The following CLVS1 variants were observed in gnomAD, a reference collection of about 807,000 sequenced individuals.
CLVS1 encodes the protein clavesin 1.
A neutral mutation model predicts 33.1 loss-of-function variants in CLVS1; 10 were observed. The ratio of observed to expected loss-of-function variants is 0.30; its 90% CI spans 0.19 to 0.51. The LOEUF is 0.51. Ranked by LOEUF, CLVS1 falls within the 20% of genes least tolerant of loss-of-function variation. The pLI is 0.97. For synonymous variants in CLVS1, 163 were observed against 166.1 expected, an observed-to-expected ratio of 0.98 and a Z score of 0.14; for missense variants, 343 against 433.4, an observed-to-expected ratio of 0.79 and a Z score of 1.85.
intron 2 of CLVS1, among the ~76,000 whole-genome samples, chr8:61,224,651 G>A (rs1030828516): frequency 3.3e-5 from 5 of 152,178 alleles, no homozygotes; most frequent in Non-Finnish European, 7.3e-5. Flanking sequence ...ACCCCGTTGG[G>A]TGGCATAGGG....
At chr8:61,429,569 G>A (rs1285875892) in intron 3 of CLVS1, among the ~76,000 whole-genome samples, 1 of 151,810 alleles carries the variant, frequency 6.6e-6, no homozygotes, top group African/African-American at 2.4e-5. Context: ...ACCTCTTAAA[G>A]TTCCCACCTC....
intron 2 of CLVS1, among the ~76,000 whole-genome samples, chr8:61,367,426 CTA>C (rs1585868789): frequency 6.6e-6 from 1 of 152,204 alleles, no homozygotes; most frequent in East Asian, 1.9e-4. Context: ...CCTTTCCCTT[CTA>C]TGTCTAGTGT....
In CLVS1 at chr8:61,355,816, T is replaced by A. The variant is rs1224023082; in HGVS notation, c.456-20789T>A. On this transcript the variant is annotated intron_variant, in intron 2 of 5. Coordinates refer to ENST00000325897, the MANE Select transcript of CLVS1 (RefSeq NM_173519.3). ...ATTTTCTTAATCCAGTCTATCATTG[T>A]TGGACATTTGGGTTGGTTCCAAGTT... Among the ~76,000 whole-genome samples the A allele has an allele frequency of 6.6e-5, 10 of 152,320 alleles. No individual in the cohort carries two copies. The South Asian group carries it at 2.1e-3, about 32-fold the overall frequency.
At chr8:61,418,187 G>A (rs1815517492) in intron 3 of CLVS1, among the ~76,000 whole-genome samples, 1 of 152,096 alleles carries the variant, frequency 6.6e-6, no homozygotes, top group South Asian at 2.1e-4. Flanking sequence ...AACCTCATAG[G>A]ATTATTAATT....
At chr8:61,065,907 G>A (rs903981021) in intron 1 of CLVS1, among the ~76,000 whole-genome samples, 3 of 152,244 alleles carry the variant, frequency 2.0e-5, no homozygotes, top group Middle Eastern at 3.4e-3. Context: ...GAAATACCAG[G>A]CAGTAGATCA....
In CLVS1 at chr8:61,460,945, C is replaced by T. The variant is rs1246364513; in HGVS notation, c.977+2403C>T. On this transcript the variant is annotated intron_variant, in intron 5 of 5. Coordinates refer to ENST00000325897, the MANE Select transcript of CLVS1 (RefSeq NM_173519.3). ...CTTGATCCCACATGTTTAAAATTTC[C>T]ATCGAAAGTTCTGCTCTTGTCTGTT... 2.0e-5 allele frequency among the ~76,000 whole-genome samples: 3 copies of T among 152,196 alleles called. No homozygotes were observed. In the East Asian group the frequency reaches 5.8e-4, roughly 29 times the overall value.
chr8:61,096,239 T>C (rs1805348245), intron 1 of CLVS1, among the ~76,000 whole-genome samples: 2 of 152,242 alleles, frequency 1.3e-5, no homozygotes, highest in African/African-American at 4.8e-5. Flanking sequence ...CCAGCCGCCA[T>C]TGACTTGTGG....
chr8:61,453,985 T>C (rs2279572), intron 3 of CLVS1, among the ~76,000 whole-genome samples, 156 bp from the exon 4 acceptor site: 121,932 of 152,096 alleles, frequency 0.8, 49,217 homozygotes, highest in Non-Finnish European at 0.86. Context: ...TCCTTAACAA[T>C]TAGGAAGTGA....
rs563571580 is a variant in CLVS1 at position 61,342,937 on chromosome 8, G to T, written c.456-33668G>T. 2.0e-5 allele frequency among the ~76,000 whole-genome samples: 3 copies of T among 152,344 alleles called. No individual in the cohort carries two copies. In the South Asian group the frequency reaches 6.2e-4, roughly 32 times the overall value. The stretch of plus-strand genomic sequence containing the variant: ...TGATCAAAGGAAATCACAGTTGGGA[G>T]AAGAATGAAAAGTAGAGGGAGAAAC... On this transcript the variant is annotated intron_variant, in intron 2 of 5. Transcript: ENST00000325897.
intron 3 of CLVS1, among the ~76,000 whole-genome samples, chr8:61,420,202 G>T (rs561869979): frequency 1.3e-5 from 2 of 152,232 alleles, no homozygotes; most frequent in Admixed American, 6.5e-5. Flanking sequence ...TCATACAACG[G>T]AACTGATAAT....
chr8:61,222,788 C>T (rs769566791), intron 2 of CLVS1, among the ~76,000 whole-genome samples: 12 of 152,128 alleles, frequency 7.9e-5, no homozygotes, highest in South Asian at 2.1e-4. Flanking sequence ...TTAACAGTCT[C>T]CCACTATTAT....
chr8:61,206,550 C>T (rs1386042502), intron 2 of CLVS1, among the ~76,000 whole-genome samples: 1 of 151,894 alleles, frequency 6.6e-6, no homozygotes, highest in Non-Finnish European at 1.5e-5. Flanking sequence ...TATGTACTGC[C>T]TTACAGCATT....
chr8:61,475,496 T>C (rs4738892), intron 5 of CLVS1, among the ~76,000 whole-genome samples: 86,580 of 152,140 alleles, frequency 0.57, 28,206 homozygotes, highest in Non-Finnish European at 0.72. Context: ...TTCTAACTGG[T>C]GTGAGATGGT....
At chr8:61,246,161 T>TC (rs1416642250) in intron 2 of CLVS1, among the ~76,000 whole-genome samples, 6 of 142,480 alleles carry the variant, frequency 4.2e-5, no homozygotes, top group Non-Finnish European at 9.1e-5. Context: ...TTCTCTTCCT[T>TC]CCCAACTTTT....
At chr8:61,370,948 C>A (rs543689964) in intron 2 of CLVS1, among the ~76,000 whole-genome samples, 15 of 152,234 alleles carry the variant, frequency 9.9e-5, no homozygotes, top group African/African-American at 3.6e-4. Context: ...CAAATTATCC[C>A]ACTATAAACA....
At chr8:61,429,207 G>A (rs574783250) in intron 3 of CLVS1, among the ~76,000 whole-genome samples, 1 of 152,050 alleles carries the variant, frequency 6.6e-6, no homozygotes, top group African/African-American at 2.4e-5. Context: ...GGATCACAAG[G>A]TCAGGAGTTC....
At chr8:61,147,547 T>C (rs1806444615) in intron 2 of CLVS1, among the ~76,000 whole-genome samples, 1 of 152,212 alleles carries the variant, frequency 6.6e-6, no homozygotes, top group African/African-American at 2.4e-5. Flanking sequence ...TCTATTTAAT[T>C]CTTGTGTGGG....
the CLVS1 span, among the ~76,000 whole-genome samples, chr8:60,993,697 C>T: frequency 6.6e-6 from 1 of 152,216 alleles, no homozygotes; most frequent in Non-Finnish European, 1.5e-5. Context: ...TAACGTGACC[C>T]ATTGCACAGC....
chr8:61,334,015 C>T (rs1811694601), intron 2 of CLVS1, among the ~76,000 whole-genome samples: 1 of 152,194 alleles, frequency 6.6e-6, no homozygotes, highest in Admixed American at 6.5e-5. Flanking sequence ...ATCCATGTCC[C>T]TGCAAAAGAC....
Sources: allele counts gnomAD v4.1 joint callset (sites outside exome capture counted in the v4.1 genomes callset), GRCh38; gene constraint gnomAD v4.1.1; transcripts MANE v1.5; gene names NCBI Gene and HGNC (gene_info 2026-07-23, HGNC 2026-07-21).